NECTIN1: variants seen among roughly 807,000 people sequenced by gnomAD.
The protein encoded by NECTIN1 is nectin cell adhesion molecule 1.
NECTIN1 carries 23 observed loss-of-function variants against 48.0 expected under a neutral mutation model. That is an observed-to-expected ratio of 0.48 (90% confidence interval 0.34 to 0.68). The LOEUF is 0.68. Among genes scored for constraint, NECTIN1 ranks in the 30% least tolerant of loss-of-function variants. The pLI is 0.01. For missense variants in NECTIN1, 591 were observed against 709.9 expected (o/e 0.83, Z 1.90); for synonymous variants, 270 against 288.9 (o/e 0.93, Z 0.66).
intron 5 of NECTIN1, among the ~76,000 whole-genome samples, chr11:119,653,771 G>A (rs1339168577): frequency 6.6e-6 from 1 of 152,196 alleles, no homozygotes; most frequent in Non-Finnish European, 1.5e-5. Flanking sequence ...GTTCTGTTGA[G>A]TGCTTTACAA....
chr11:119,711,215 C>T (rs891414931), intron 1 of NECTIN1, among the ~76,000 whole-genome samples: 1 of 151,980 alleles, frequency 6.6e-6, no homozygotes, highest in Non-Finnish European at 1.5e-5. Flanking sequence ...CATGGTGAAA[C>T]CCTATCTCTA....
At chr11:119,648,340 GTGATGCTGGTGGTGGTGATGCTGGTGA>G (rs1565376667) in intron 5 of NECTIN1, among the ~76,000 whole-genome samples, 14 of 1,518 alleles carry the variant, frequency 9.2e-3, no homozygotes, top group African/African-American at 0.013. Flanking sequence ...GATGGTGGTG[GTGATGCTGGTGGTGGTGATGCTGGTGA>G]TGGTGGTGAT....
chr11:119,688,394 C>T (rs1395625072), intron 1 of NECTIN1, among the ~76,000 whole-genome samples: 1 of 151,988 alleles, frequency 6.6e-6, no homozygotes. Flanking sequence ...AGTGATGAGG[C>T]TACTCCCCCA....
chr11:119,663,743 A>C lies in NECTIN1; in HGVS notation c.*1004T>G, dbSNP rs1864710506. On this transcript the variant is annotated 3_prime_UTR_variant, in exon 6 of 6. Transcript: ENST00000264025. Reference sequence around the variant, plus strand: ...AAATCAGAGAAACCTCCACGCTGTAAGAAGCAGTTTGGGGCAGGCCTGAGA... The same window carrying C: ...AAATCAGAGAAACCTCCACGCTGTACGAAGCAGTTTGGGGCAGGCCTGAGA... 7.1e-6 allele frequency: 7 copies of C among 985,394 alleles called. No individual in the cohort carries two copies. In the South Asian group the frequency reaches 2.8e-4, roughly 40 times the overall value. 61.0% of individuals were successfully genotyped at this position (985,394 alleles called of 1,614,324 possible). A position where few individuals can be genotyped will look rare whatever the true frequency, so the allele number is the denominator to read the frequency against.
chr11:119,651,475 T>C (rs1165295016), intron 5 of NECTIN1, among the ~76,000 whole-genome samples: 1 of 152,088 alleles, frequency 6.6e-6, no homozygotes, highest in African/African-American at 2.4e-5. Context: ...AAGTGGGCTG[T>C]CGGAGGAGAC....
chr11:119,658,413 G>T (rs1864610190), downstream of NECTIN1, among the ~76,000 whole-genome samples: 1 of 152,178 alleles, frequency 6.6e-6, no homozygotes, highest in African/African-American at 2.4e-5. Context: ...GGTCCAAGAA[G>T]CCAACAACTA....
intron 1 of NECTIN1, among the ~76,000 whole-genome samples, chr11:119,695,584 A>G (rs560531837): frequency 6.6e-6 from 1 of 152,184 alleles, no homozygotes; most frequent in Non-Finnish European, 1.5e-5. Flanking sequence ...CAGAGAACCA[A>G]CTCAGGGATG....
At chr11:119,712,196 C>G (rs1232399852) in intron 1 of NECTIN1, among the ~76,000 whole-genome samples, 2 of 152,140 alleles carry the variant, frequency 1.3e-5, no homozygotes, top group Non-Finnish European at 2.9e-5. Context: ...AGTCCCAGTC[C>G]ACAGGCTGCG....
intron 1 of NECTIN1, among the ~76,000 whole-genome samples, chr11:119,696,826 C>A (rs145542349): frequency 3.9e-5 from 6 of 152,172 alleles, no homozygotes; most frequent in African/African-American, 1.4e-4. Context: ...GGCATAGGGG[C>A]GGATGGGGCG....
chr11:119,715,064 G>A (rs1406815629), intron 1 of NECTIN1, among the ~76,000 whole-genome samples: 2 of 152,216 alleles, frequency 1.3e-5, no homozygotes, highest in East Asian at 1.9e-4. Context: ...GGAGCTGGGG[G>A]CAGTCAGGGC....
intron 5 of NECTIN1, among the ~76,000 whole-genome samples, chr11:119,653,372 T>C (rs1354826321): frequency 1.3e-5 from 2 of 152,194 alleles, no homozygotes. Context: ...ACTGGAAGCC[T>C]TTGCTCCGGG....
chr11:119,713,884 T>C (rs1266100648), intron 1 of NECTIN1: 7 of 455,808 alleles, frequency 1.5e-5, no homozygotes, highest in Non-Finnish European at 3.1e-5. Context: ...GCCAGTGAGA[T>C]GTCTGATGCC....
chr11:119,696,510 TGA>T (rs1332432394), intron 1 of NECTIN1, among the ~76,000 whole-genome samples: 1 of 152,106 alleles, frequency 6.6e-6, no homozygotes, highest in Non-Finnish European at 1.5e-5. Context: ...CCACCCCCAC[TGA>T]GAGCGGGCAG....
chr11:119,661,113 A>C lies in NECTIN1; in HGVS notation c.*3634T>G. The C allele has an allele frequency of 1.0e-6, 1 of 985,616 alleles. No individual in the cohort carries two copies. Among genetic ancestry groups the C allele is most frequent in the Non-Finnish European group, 1.2e-6 (1 of 829,712 alleles). The allele number at this position is 985,616 out of a possible 1,614,324, so 61.1% of individuals were successfully genotyped here. On this transcript the variant is annotated 3_prime_UTR_variant, in exon 6 of 6. Coordinates refer to ENST00000264025, the MANE Select transcript of NECTIN1 (RefSeq NM_002855.5). ...TGCAAACACCCCCCAGGTCAGAACC[A>C]GGAGGATCTGCTGGGCTGTCCCTGG...
Position 119,672,436 on chromosome 11 carries a change from AAGGGCCTCTGAAAG to A in NECTIN1, c.1003+2709_1003+2722del, listed in dbSNP as rs1435815332. On this transcript the variant is annotated intron_variant, in intron 5 of 5. Coordinates refer to ENST00000264025, the MANE Select transcript of NECTIN1 (RefSeq NM_002855.5). This position sits in a 1 kb window ranked among gnomAD's most constrained non-coding sequence, Gnocchi z 4.3. Reference sequence around the variant, plus strand: ...ACCCCATGAAACTGCTCCTCTGTGTAAGGGCCTCTGAAAGGGGTTCTCTGGGGCCTGTGCCCACG... The same window carrying A: ...ACCCCATGAAACTGCTCCTCTGTGTAGGGTTCTCTGGGGCCTGTGCCCACG... Among the ~76,000 whole-genome samples, 2 of 152,154 alleles carry A rather than the reference AAGGGCCTCTGAAAG, an allele frequency of 1.3e-5. No homozygotes were observed. Among genetic ancestry groups the A allele is most frequent in the African/African-American group, 4.8e-5 (2 of 41,428 alleles).
At position 119,709,942 on chromosome 11, in the gene NECTIN1, A is replaced by G. The variant is rs546392468; in HGVS notation, c.79+18533T>C. On this transcript the variant is annotated intron_variant, in intron 1 of 5. Coordinates refer to ENST00000264025, the MANE Select transcript of NECTIN1 (RefSeq NM_002855.5). This position sits in a 1 kb window ranked among gnomAD's most constrained non-coding sequence, Gnocchi z 4.1. ...TAAACAGGGCAGAGATGGATAGGGA[A>G]GGGAGTGTGATGTGACGAGGCCGCA... 1 of 152,416 alleles carries G rather than the reference A, an allele frequency of 6.6e-6. No homozygotes were observed. The highest frequency in any genetic ancestry group is 1.9e-4 in the East Asian group (1 of 5,186). The allele number at this position is 152,416 out of a possible 1,614,324, so 9.4% of individuals were successfully genotyped here.
chr11:119,709,513 C>G lies in NECTIN1; in HGVS notation c.79+18962G>C, dbSNP rs1474915157. ...TGTAACCAGGCTGTGAGGAAGCACT[C>G]ACTTCCAGGGGTGGAGGTTCAGGGG... On this transcript the variant is annotated intron_variant, in intron 1 of 5. Transcript: ENST00000264025. This position sits in a 1 kb window ranked among gnomAD's most constrained non-coding sequence, Gnocchi z 4.1. 6.6e-6 allele frequency among the ~76,000 whole-genome samples: 1 copy of G among 152,132 alleles called. No individual in the cohort carries two copies. The highest frequency in any genetic ancestry group is 6.5e-5 in the Admixed American group (1 of 15,278).
chr11:119,719,155 C>A (rs1393819567), intron 1 of NECTIN1, among the ~76,000 whole-genome samples: 1 of 152,168 alleles, frequency 6.6e-6, no homozygotes, highest in Non-Finnish European at 1.5e-5. Context: ...GGATGTTCAA[C>A]CTGCGCCAAG....
In NECTIN1 at chr11:119,661,095, A is replaced by G. The variant is rs1471271239; in HGVS notation, c.*3652T>C. The G allele has an allele frequency of 2.0e-6, 2 of 984,472 alleles. No individual in the cohort carries two copies. Among genetic ancestry groups the G allele is most frequent in the Non-Finnish European group, 2.4e-6 (2 of 829,060 alleles). The allele number at this position is 984,472 out of a possible 1,614,324, so 61.0% of individuals were successfully genotyped here. A position where few individuals can be genotyped will look rare whatever the true frequency, so the allele number is the denominator to read the frequency against. ...ACAAGTAAAAGGGGGTGATGCAAAC[A>G]CCCCCCAGGTCAGAACCAGGAGGAT... On this transcript the variant is annotated 3_prime_UTR_variant, in exon 6 of 6. Transcript: ENST00000264025.
Sources: gnomAD v4.1 joint callset for allele counts (sites outside exome capture counted in the v4.1 genomes callset) on GRCh38, gnomAD v4.1.1 for gene constraint, Gnocchi (gnomAD v3.1) non-coding constraint, MANE v1.5 for transcripts, NCBI Gene and HGNC (gene_info 2026-07-23, HGNC 2026-07-21) for gene names.